The following ADAMTS8 variants were observed in gnomAD, a reference collection of about 807,000 sequenced individuals.
The protein encoded by ADAMTS8 is A disintegrin and metalloproteinase with thrombospondin motifs 8.
A neutral mutation model predicts 64.4 loss-of-function variants in ADAMTS8; 50 were observed. That is an observed-to-expected ratio of 0.78 (90% confidence interval 0.62 to 0.98). The LOEUF (loss-of-function observed/expected upper bound fraction) is 0.98. Ranked by LOEUF, ADAMTS8 falls within the 50% of genes least tolerant of loss-of-function variation. ADAMTS8 has a pLI of 0.00. For missense variants in ADAMTS8, 1,192 were observed against 1,208.2 expected (o/e 0.99, Z 0.20); for synonymous variants, 556 against 533.6 (o/e 1.04, Z -0.58).
In ADAMTS8 at chr11:130,414,757, T is replaced by G. The variant is rs1861999347; in HGVS notation, c.1340A>C (p.Gln447Pro). The change falls in exon 5 of 9, where the codon CAG (glutamine) becomes CCG (proline). Residue 447 changes from glutamine (Q) to proline (P), a missense_variant. By Grantham distance (76) the Gln-to-Pro change is moderately conservative (BLOSUM62 -1). Around this residue, in one of 5 missense-constraint regions of ADAMTS8, gnomAD observed 741 missense variants for 710.6 expected, o/e 1.04. Coordinates refer to ENST00000257359, the MANE Select transcript of ADAMTS8 (RefSeq NM_007037.6). Reference sequence around the variant, plus strand: ...GATCTGCCTGCACTGCTGGTCCAGCTGGTACAGGGCCATGCGGCCCGGGAG... The same window carrying G: ...GATCTGCCTGCACTGCTGGTCCAGCGGGTACAGGGCCATGCGGCCCGGGAG... ...TGLPGRMALY[Q>P]LDQQCRQIFG... 8.1e-6 allele frequency: 13 copies of G among 1,613,474 alleles called. No homozygotes were observed. Among genetic ancestry groups the G allele is most frequent in the Non-Finnish European group, 1.1e-5 (13 of 1,180,008 alleles).
chr11:130,411,452 T>C lies in ADAMTS8; in HGVS notation c.1715A>G (p.Tyr572Cys). ...GRYCLGRRAK[Y>C]QSCHTEECPP... The stretch of plus-strand genomic sequence containing the variant: ...GCATTCCTCCGTGTGGCATGACTGG[T>C]ACTTGGCTCTCCGACCCAGGCAGTA... The change falls in exon 6 of 9, where the codon TAC becomes TGC. Residue 572 changes from tyrosine (Y) to cysteine (C), a missense_variant. Physicochemically the swap from Tyr to Cys is radical, Grantham distance 194. Around this residue, in one of 5 missense-constraint regions of ADAMTS8, gnomAD observed 290 missense variants for 297.8 expected, o/e 0.97. Coordinates refer to ENST00000257359, the MANE Select transcript of ADAMTS8 (RefSeq NM_007037.6). This position sits in a 1 kb window ranked among gnomAD's most constrained non-coding sequence, Gnocchi z 4.2. The C allele has an allele frequency of 6.2e-7, 1 of 1,614,166 alleles. No individual in the cohort carries two copies. The highest frequency in any genetic ancestry group is 8.5e-7 in the Non-Finnish European group (1 of 1,180,030).
chr11:130,421,568 A>C (rs1862099491), intron 1 of ADAMTS8, among the ~76,000 whole-genome samples: 1 of 152,122 alleles, frequency 6.6e-6, no homozygotes. Context: ...TCCCTTCAAA[A>C]TCCCAGATCC....
rs1038477615 is a variant in ADAMTS8 at position 130,428,595 on chromosome 11, A to G, written c.-309T>C. 297 of 269,304 alleles carry G rather than the reference A, an allele frequency of 1.1e-3. No homozygotes were observed. The highest frequency in any genetic ancestry group is 6.7e-3 in the African/African-American group (290 of 43,012). The allele number at this position is 269,304 out of a possible 1,614,324, so 16.7% of individuals were successfully genotyped here. A position where few individuals can be genotyped will look rare whatever the true frequency, so the allele number is the denominator to read the frequency against. On this transcript the variant is annotated 5_prime_UTR_variant, in exon 1 of 9. Transcript: ENST00000257359. ...CGCAGCCGCCTCCTGCCTCCTCCCCACCCCGGGAAGCACCGAGTGGGCTGC... is the reference window on the plus strand; with the variant it reads ...CGCAGCCGCCTCCTGCCTCCTCCCCGCCCCGGGAAGCACCGAGTGGGCTGC...
At position 130,416,483 on chromosome 11, in the gene ADAMTS8, TC is replaced by T. The variant is rs1862026952; in HGVS notation, c.1097-154del. On this transcript the variant is annotated intron_variant, in intron 3 of 8. Coordinates refer to ENST00000257359, the MANE Select transcript of ADAMTS8 (RefSeq NM_007037.6). This position sits in a 1 kb window ranked among gnomAD's most constrained non-coding sequence, Gnocchi z 4.8. ...AGGGCTTTCCCCTGCGCTTTGCTCT[TC>T]CAGGACGCGTTCTCAGATGACTAAG... is the stretch of plus-strand genomic sequence containing the variant. Among the ~76,000 whole-genome samples the T allele has an allele frequency of 6.6e-6, 1 of 152,220 alleles. No homozygotes were observed. Among genetic ancestry groups the T allele is most frequent in the South Asian group, 2.1e-4 (1 of 4,834 alleles).
In ADAMTS8 at chr11:130,405,210, T is replaced by C; in HGVS notation, c.*348A>G. The stretch of plus-strand genomic sequence containing the variant: ...TAGATTATTTATCGGGGAAACCAGA[T>C]AGAATTTTTTTTTTCATTTAAGTTT... On this transcript the variant is annotated 3_prime_UTR_variant, in exon 9 of 9. Transcript: ENST00000257359. 2 of 1,052,148 alleles carry C rather than the reference T, an allele frequency of 1.9e-6. No individual in the cohort carries two copies. The highest frequency in any genetic ancestry group is 1.7e-5 in the African/African-American group (1 of 59,802). 65.2% of individuals were successfully genotyped at this position (1,052,148 alleles called of 1,614,324 possible). A position where few individuals can be genotyped will look rare whatever the true frequency, so the allele number is the denominator to read the frequency against.
At chr11:130,420,923 G>C (rs1760248995) in intron 1 of ADAMTS8, among the ~76,000 whole-genome samples, 1 of 152,112 alleles carries the variant, frequency 6.6e-6, no homozygotes, top group Non-Finnish European at 1.5e-5. Flanking sequence ...GGTCTTTGCT[G>C]CTTCCAGGAG....
In ADAMTS8 at chr11:130,416,061, T is replaced by C. The variant is rs1279843820; in HGVS notation, c.1264+102A>G. On this transcript the variant is annotated intron_variant, in intron 4 of 8. Transcript: ENST00000257359. The surrounding 1 kb of genome is among the most constrained non-coding windows in gnomAD (Gnocchi z 4.8). ...GTGGGAGGCTGGCCGGGGACTCAGC[T>C]CTAAGGGCCCTGTGAGGAGGCACAG... 7.3e-7 allele frequency: 1 copy of C among 1,375,296 alleles called. No individual in the cohort carries two copies. Among genetic ancestry groups the C allele is most frequent in the Non-Finnish European group, 9.6e-7 (1 of 1,037,324 alleles). 85.2% of individuals were successfully genotyped at this position (1,375,296 alleles called of 1,614,324 possible). A position where few individuals can be genotyped will look rare whatever the true frequency, so the allele number is the denominator to read the frequency against.
At chr11:130,414,416 C>T (rs1861991947) in intron 5 of ADAMTS8, 115 bp downstream of exon 5, 2 of 1,310,156 alleles carry the variant, frequency 1.5e-6, no homozygotes, top group Non-Finnish European at 2.1e-6. Context: ...GCCTGGCTGT[C>T]TCTCGGTTCA....
At chr11:130,415,316 T>G (rs182060391) in intron 4 of ADAMTS8, among the ~76,000 whole-genome samples, 70 of 152,348 alleles carry the variant, frequency 4.6e-4, no homozygotes, top group South Asian at 1.0e-3. Flanking sequence ...AAGCAATTTT[T>G]TTTTTGAGAT....
intron 1 of ADAMTS8, among the ~76,000 whole-genome samples, chr11:130,420,680 C>A (rs939100805): frequency 6.6e-6 from 1 of 152,112 alleles, no homozygotes; most frequent in African/African-American, 2.4e-5. Context: ...CTGTTCACCT[C>A]ACAGGCAATG....
At position 130,411,868 on chromosome 11, in the gene ADAMTS8, T is replaced by C. The variant is rs1312928663; in HGVS notation, c.1567-268A>G. On this transcript the variant is annotated intron_variant, in intron 5 of 8. Coordinates refer to ENST00000257359, the MANE Select transcript of ADAMTS8 (RefSeq NM_007037.6). The surrounding 1 kb of genome is among the most constrained non-coding windows in gnomAD (Gnocchi z 4.2). Reference sequence around the variant, plus strand: ...TTAGTAAGGTGCTCAATAGGCTATCTGCTGAATGAATGAATGACACCCTTT... The same window carrying C: ...TTAGTAAGGTGCTCAATAGGCTATCCGCTGAATGAATGAATGACACCCTTT... The C allele has an allele frequency of 2.2e-6, 1 of 464,450 alleles. No homozygotes were observed. The highest frequency in any genetic ancestry group is 1.9e-5 in the African/African-American group (1 of 51,542). 28.8% of individuals were successfully genotyped at this position (464,450 alleles called of 1,614,324 possible). A position where few individuals can be genotyped will look rare whatever the true frequency, so the allele number is the denominator to read the frequency against.
Position 130,419,281 on chromosome 11 carries a change from C to T in ADAMTS8, c.732G>A (p.Leu244=), listed in dbSNP as rs1202222099. The change falls in exon 2 of 9, where the codon CTG becomes CTA. Residue 244 remains leucine, a synonymous_variant. Transcript: ENST00000257359. The stretch of plus-strand genomic sequence containing the variant: ...TTCGGGCTGCCACAGACATTAACGT[C>T]AGGATGTGGTTCTGTCAGGAAGGAG... ...FYGADLQNHI[L]TLMSVAARIY... 8.1e-6 allele frequency: 13 copies of T among 1,613,840 alleles called. No individual in the cohort carries two copies. Among genetic ancestry groups the T allele is most frequent in the African/African-American group, 1.3e-5 (1 of 74,912 alleles).
At position 130,405,429 on chromosome 11, in the gene ADAMTS8, C is replaced by T; in HGVS notation, c.*129G>A. ...TTGTGCAGTACTGGAGGGGTTGCGG[C>T]AATGGGAGGCCTGGGTGGGCCGTGC... On this transcript the variant is annotated 3_prime_UTR_variant, in exon 9 of 9. Coordinates refer to ENST00000257359, the MANE Select transcript of ADAMTS8 (RefSeq NM_007037.6). The T allele has an allele frequency of 2.0e-6, 3 of 1,490,512 alleles. No individual in the cohort carries two copies. The highest frequency in any genetic ancestry group is 1.8e-6 in the Non-Finnish European group (2 of 1,129,172). The allele number at this position is 1,490,512 out of a possible 1,614,324, so 92.3% of individuals were successfully genotyped here. A position where few individuals can be genotyped will look rare whatever the true frequency, so the allele number is the denominator to read the frequency against.
chr11:130,404,968 A>T lies in ADAMTS8; in HGVS notation c.*590T>A, dbSNP rs1390557817. ...AGTTCAGAGACACATTTGCATAAAT[A>T]CTTGAAATGGATCCACCCCTGCAGG... On this transcript the variant is annotated 3_prime_UTR_variant, in exon 9 of 9. Transcript: ENST00000257359. 1 of 984,710 alleles carries T rather than the reference A, an allele frequency of 1.0e-6. No individual in the cohort carries two copies. The highest frequency in any genetic ancestry group is 6.1e-5 in the Admixed American group (1 of 16,310). 61.0% of individuals were successfully genotyped at this position (984,710 alleles called of 1,614,324 possible). A position where few individuals can be genotyped will look rare whatever the true frequency, so the allele number is the denominator to read the frequency against.
chr11:130,412,653 A>G (rs1251413317), intron 5 of ADAMTS8, among the ~76,000 whole-genome samples: 2 of 152,202 alleles, frequency 1.3e-5, no homozygotes, highest in Non-Finnish European at 2.9e-5. Flanking sequence ...TACGACAAAT[A>G]AAAAAATGCA....
At chr11:130,414,960 G>T in intron 4 of ADAMTS8, 128 bp from the exon 5 acceptor site, 1 of 999,384 alleles carries the variant, frequency 1.0e-6, no homozygotes, top group Non-Finnish European at 1.4e-6. Context: ...ACTAAAAGCT[G>T]TCACCACTTG....
rs191284323 is a variant in ADAMTS8 at position 130,416,456 on chromosome 11, G to A, written c.1097-126C>T. ...CCCCTCACTCTCCGAAGATTTCTGCGTAGGGCTTTCCCCTGCGCTTTGCTC... is the reference window on the plus strand; with the variant it reads ...CCCCTCACTCTCCGAAGATTTCTGCATAGGGCTTTCCCCTGCGCTTTGCTC... On this transcript the variant is annotated intron_variant, in intron 3 of 8. Transcript: ENST00000257359. The surrounding 1 kb of genome is among the most constrained non-coding windows in gnomAD (Gnocchi z 4.8). 3.7e-5 allele frequency: 41 copies of A among 1,101,144 alleles called. No homozygotes were observed. The highest frequency in any genetic ancestry group is 3.1e-4 in the Middle Eastern group (1 of 3,260). The allele number at this position is 1,101,144 out of a possible 1,614,324, so 68.2% of individuals were successfully genotyped here. A position where few individuals can be genotyped will look rare whatever the true frequency, so the allele number is the denominator to read the frequency against.
At position 130,405,364 on chromosome 11, in the gene ADAMTS8, G is replaced by T; in HGVS notation, c.*194C>A. 7.2e-7 allele frequency: 1 copy of T among 1,398,326 alleles called. No individual in the cohort carries two copies. Among genetic ancestry groups the T allele is most frequent in the Non-Finnish European group, 9.2e-7 (1 of 1,081,140 alleles). 86.6% of individuals were successfully genotyped at this position (1,398,326 alleles called of 1,614,324 possible). A position where few individuals can be genotyped will look rare whatever the true frequency, so the allele number is the denominator to read the frequency against. On this transcript the variant is annotated 3_prime_UTR_variant, in exon 9 of 9. Coordinates refer to ENST00000257359, the MANE Select transcript of ADAMTS8 (RefSeq NM_007037.6). ...AGTCCACTGGACAGTTGATGATAGG[G>T]TCTGCCGCCCCATACCCTCTCCTCT... is the stretch of plus-strand genomic sequence containing the variant.
At position 130,411,391 on chromosome 11, in the gene ADAMTS8, C is replaced by T; in HGVS notation, c.1750+26G>A. 6.2e-7 allele frequency: 1 copy of T among 1,607,008 alleles called. No homozygotes were observed. The highest frequency in any genetic ancestry group is 8.5e-7 in the Non-Finnish European group (1 of 1,176,132). ...ATAGCAATGATAGTAGCTGCTCTGG[C>T]AGGGGCGGCCCTGAGTGGTAATTAC... On this transcript the variant is annotated intron_variant, in intron 6 of 8. Coordinates refer to ENST00000257359, the MANE Select transcript of ADAMTS8 (RefSeq NM_007037.6). The surrounding 1 kb of genome is among the most constrained non-coding windows in gnomAD (Gnocchi z 4.2).
Sources: gnomAD v4.1 joint callset for allele counts (sites outside exome capture counted in the v4.1 genomes callset) on GRCh38, gnomAD v4.1.1 for gene constraint, gnomAD v4.1.1 regional missense constraint, Gnocchi (gnomAD v3.1) non-coding constraint, MANE v1.5 for transcripts, NCBI Gene and HGNC (gene_info 2026-07-23, HGNC 2026-07-21) for gene names.